KLF12: variants seen among roughly 807,000 people sequenced by gnomAD.
The protein encoded by KLF12 is KLF transcription factor 12, also known as Krueppel-like factor 12.
Under a neutral mutation model 37.8 loss-of-function variants are expected in KLF12, and 9 were observed. That is an observed-to-expected ratio of 0.24 (90% CI 0.14 to 0.42). KLF12 has a LOEUF of 0.42. Among genes scored for constraint, KLF12 ranks in the 10% least tolerant of loss-of-function variants. The probability of loss-of-function intolerance (pLI) is 1.00; values close to 1 mark genes in which losing one functional copy is unlikely to be tolerated. For missense variants in KLF12, 411 were observed against 516.0 expected, an observed-to-expected ratio of 0.80 and a Z score of 1.97; for synonymous variants, 208 against 202.1, an observed-to-expected ratio of 1.03 and a Z score of -0.25.
At chr13:73,737,867 G>A (rs1209130484) in intron 6 of KLF12, among the ~76,000 whole-genome samples, 1 of 151,834 alleles carries the variant, frequency 6.6e-6, no homozygotes, top group Non-Finnish European at 1.5e-5. Context: ...CCTTTCTGAA[G>A]AAGACAAGAT....
chr13:74,187,664 G>C, the KLF12 span, among the ~76,000 whole-genome samples: 1 of 152,308 alleles, frequency 6.6e-6, no homozygotes, highest in Admixed American at 6.5e-5. Context: ...ATTTGCCCAA[G>C]TTTGATTTGC....
chr13:73,861,481 G>A (rs1885922877), intron 3 of KLF12, among the ~76,000 whole-genome samples: 2 of 152,180 alleles, frequency 1.3e-5, no homozygotes, highest in Admixed American at 6.5e-5. Flanking sequence ...CACTAAAGGA[G>A]TAGTTATTAA....
intron 1 of KLF12, among the ~76,000 whole-genome samples, chr13:74,033,963 A>G (rs1255236186): frequency 6.6e-6 from 1 of 152,106 alleles, no homozygotes; most frequent in Non-Finnish European, 1.5e-5. Context: ...CCAAAAAAAA[A>G]AAAAGGCACT....
chr13:74,189,909 G>T, the KLF12 span, among the ~76,000 whole-genome samples: 1 of 151,864 alleles, frequency 6.6e-6, no homozygotes, highest in Non-Finnish European at 1.5e-5. Context: ...GTTTCGACTA[G>T]TCGAAACATT....
chr13:74,128,382 T>C (rs1878062459), intron 1 of KLF12, among the ~76,000 whole-genome samples: 1 of 122,882 alleles, frequency 8.1e-6, no homozygotes, highest in Non-Finnish European at 1.9e-5. Context: ...GGTGGAGGTA[T>C]GGCTGGAGTG....
chr13:74,185,018 G>A, the KLF12 span, among the ~76,000 whole-genome samples: 1 of 152,124 alleles, frequency 6.6e-6, no homozygotes, highest in Non-Finnish European at 1.5e-5. Context: ...TATGCATTAA[G>A]TGCCTCTTTA....
the KLF12 span, among the ~76,000 whole-genome samples, chr13:74,149,466 G>A: frequency 2.0e-5 from 3 of 152,134 alleles, no homozygotes; most frequent in East Asian, 1.9e-4. Flanking sequence ...CATAGCTCAC[G>A]TATGTCAGCA....
chr13:74,287,562 G>A, the KLF12 span, among the ~76,000 whole-genome samples: 1 of 152,186 alleles, frequency 6.6e-6, no homozygotes, highest in East Asian at 1.9e-4. Flanking sequence ...CTTACATAGA[G>A]TTTAATTGAT....
intron 1 of KLF12, among the ~76,000 whole-genome samples, chr13:74,006,215 C>T (rs1892404552): frequency 6.6e-6 from 1 of 152,162 alleles, no homozygotes; most frequent in South Asian, 2.1e-4. Flanking sequence ...TTATAGATAA[C>T]CTGCACCTGG....
At chr13:73,731,303 T>C (rs1459077605) in intron 6 of KLF12, among the ~76,000 whole-genome samples, 1 of 152,148 alleles carries the variant, frequency 6.6e-6, no homozygotes, top group East Asian at 1.9e-4. Flanking sequence ...AATTAATCTA[T>C]ATGTAAACAA....
At chr13:74,159,498 G>C in the KLF12 span, among the ~76,000 whole-genome samples, 5 of 152,176 alleles carry the variant, frequency 3.3e-5, no homozygotes, top group Non-Finnish European at 5.9e-5. Flanking sequence ...GTTGTCCCAT[G>C]CTAAAGAAGT....
At chr13:73,931,655 A>C (rs531365195) in intron 3 of KLF12, among the ~76,000 whole-genome samples, 2 of 152,312 alleles carry the variant, frequency 1.3e-5, no homozygotes, top group East Asian at 3.9e-4. Context: ...TTATTTTGCA[A>C]AATTGCTGAT....
chr13:74,162,146 C>T, the KLF12 span, among the ~76,000 whole-genome samples: 1 of 152,210 alleles, frequency 6.6e-6, no homozygotes, highest in South Asian at 2.1e-4. Flanking sequence ...ATTGCAAGTC[C>T]ACAAAACCTG....
At chr13:74,135,356 C>T (rs1264213291), upstream of KLF12, among the ~76,000 whole-genome samples, 1 of 151,938 alleles carries the variant, frequency 6.6e-6, no homozygotes, top group Non-Finnish European at 1.5e-5. Flanking sequence ...TCCACTGCCC[C>T]ACGCCCAGAG....
chr13:74,165,134 T>C, the KLF12 span, among the ~76,000 whole-genome samples: 15 of 152,220 alleles, frequency 9.9e-5, no homozygotes, highest in Non-Finnish European at 1.8e-4. Context: ...CTACACATTG[T>C]ATGCATGTAT....
chr13:74,079,611 A>T (rs1874760822), intron 1 of KLF12, among the ~76,000 whole-genome samples: 2 of 152,200 alleles, frequency 1.3e-5, no homozygotes, highest in Admixed American at 1.3e-4. Context: ...GTTTCCAAAC[A>T]AAAAGTCTTG....
the KLF12 span, among the ~76,000 whole-genome samples, chr13:74,151,845 C>G: frequency 6.6e-6 from 1 of 152,078 alleles, no homozygotes; most frequent in Non-Finnish European, 1.5e-5. Context: ...AAAGATCACT[C>G]TTTAAGTGCT....
At chr13:74,125,505 G>A (rs1204626485) in intron 1 of KLF12, among the ~76,000 whole-genome samples, 1 of 152,068 alleles carries the variant, frequency 6.6e-6, no homozygotes, top group African/African-American at 2.4e-5. Context: ...TAAGTCAAAC[G>A]GATAACTGAG....
At chr13:74,272,725 A>G in the KLF12 span, among the ~76,000 whole-genome samples, 1 of 152,184 alleles carries the variant, frequency 6.6e-6, no homozygotes, top group African/African-American at 2.4e-5. Flanking sequence ...TAAAATCTTA[A>G]ATACTTAGAA....
Sources: gnomAD v4.1 joint callset for allele counts (sites outside exome capture counted in the v4.1 genomes callset) on GRCh38, gnomAD v4.1.1 for gene constraint, MANE v1.5 for transcripts, NCBI Gene and HGNC (gene_info 2026-07-23, HGNC 2026-07-21) for gene names.